MYO16: variants seen among roughly 807,000 people sequenced by gnomAD.
MYO16 encodes the protein myosin XVI.
In MYO16, 94 loss-of-function variants were observed where a neutral mutation model predicts 205.3. That is an observed-to-expected ratio of 0.46 (90% CI 0.39 to 0.54). The LOEUF (loss-of-function observed/expected upper bound fraction) is 0.54, where lower values mean the gene tolerates loss of function less well. Ranked by LOEUF, MYO16 falls within the 20% of genes least tolerant of loss-of-function variation. The pLI, the probability that MYO16 is intolerant of heterozygous loss-of-function variation, is 0.00. For missense variants in MYO16, 2,315 were observed against 2,387.5 expected (o/e 0.97, Z 0.63); for synonymous variants, 988 against 954.0 (o/e 1.04, Z -0.66).
intron 3 of MYO16, among the ~76,000 whole-genome samples, chr13:108,717,199 T>C (rs1242840426): frequency 1.3e-5 from 2 of 152,218 alleles, no homozygotes; most frequent in East Asian, 3.8e-4. Flanking sequence ...CAATGGTAAC[T>C]GAACCCTCCA....
intron 4 of MYO16, among the ~76,000 whole-genome samples, chr13:108,784,232 G>GTT (rs138425926): frequency 6.7e-6 from 1 of 149,124 alleles, no homozygotes; most frequent in African/African-American, 2.5e-5. Context: ...TGAAGTCAGG[G>GTT]TTTTTTTTTT....
At chr13:109,196,842 A>C (rs540596437) in intron 34 of MYO16, among the ~76,000 whole-genome samples, 1 of 152,272 alleles carries the variant, frequency 6.6e-6, no homozygotes, top group African/African-American at 2.4e-5. Context: ...CTCTCTTTTG[A>C]ATGTCAACTT....
At chr13:109,193,861 A>G (rs1880033968) in intron 34 of MYO16, among the ~76,000 whole-genome samples, 1 of 152,186 alleles carries the variant, frequency 6.6e-6, no homozygotes, top group African/African-American at 2.4e-5. Context: ...TGGTTTTATA[A>G]TAATTATATA....
chr13:109,195,707 T>C (rs777689489), intron 34 of MYO16, among the ~76,000 whole-genome samples: 4 of 152,300 alleles, frequency 2.6e-5, no homozygotes, highest in Non-Finnish European at 5.9e-5. Flanking sequence ...GAATAGTCAA[T>C]AGAAAAATCA....
upstream of MYO16, among the ~76,000 whole-genome samples, chr13:108,594,536 T>TATTA (rs1303506209): frequency 6.6e-6 from 1 of 152,206 alleles, no homozygotes; most frequent in Non-Finnish European, 1.5e-5. Flanking sequence ...GCCAGGTGAT[T>TATTA]ATTACATGGC....
chr13:108,576,748 T>G, the MYO16 span, among the ~76,000 whole-genome samples: 1 of 152,026 alleles, frequency 6.6e-6, no homozygotes, highest in Admixed American at 6.6e-5. Context: ...TTTGCAGTGT[T>G]TTTCTTTTCT....
chr13:108,739,143 T>A, intron 4 of MYO16, among the ~76,000 whole-genome samples: 1 of 152,146 alleles, frequency 6.6e-6, no homozygotes, highest in Non-Finnish European at 1.5e-5. Context: ...ACATTTAAGG[T>A]TAATATTGTT....
intron 1 of MYO16, among the ~76,000 whole-genome samples, chr13:108,613,175 T>C (rs1879237271): frequency 6.6e-6 from 1 of 152,174 alleles, no homozygotes; most frequent in Non-Finnish European, 1.5e-5. Context: ...GATTAAAATA[T>C]AAAAAAGAAT....
chr13:108,887,095 A>G (rs1879937299), intron 13 of MYO16, among the ~76,000 whole-genome samples: 1 of 152,138 alleles, frequency 6.6e-6, no homozygotes, highest in African/African-American at 2.4e-5. Flanking sequence ...TACAAAGGGT[A>G]ATTTAAGATT....
intron 9 of MYO16, among the ~76,000 whole-genome samples, chr13:108,834,330 A>C (rs1876781645): frequency 6.6e-6 from 1 of 152,162 alleles, no homozygotes; most frequent in Non-Finnish European, 1.5e-5. Flanking sequence ...TATGTGGGCT[A>C]TGTTCTTCCC....
the MYO16 span, among the ~76,000 whole-genome samples, chr13:108,551,263 C>T: frequency 9.9e-5 from 15 of 152,162 alleles, no homozygotes; most frequent in South Asian, 2.1e-4. Flanking sequence ...GTCTTTCTCC[C>T]GAGTTTCAGA....
intron 4 of MYO16, among the ~76,000 whole-genome samples, chr13:108,738,349 G>T (rs926123714): frequency 2.0e-4 from 31 of 152,106 alleles, no homozygotes; most frequent in South Asian, 8.3e-4. Flanking sequence ...TGTTCTCATT[G>T]GTTTCAAAGA....
intron 34 of MYO16, among the ~76,000 whole-genome samples, chr13:109,192,624 G>A (rs79346498): frequency 0.067 from 10,174 of 152,056 alleles, 910 homozygotes; most frequent in East Asian, 0.28. Flanking sequence ...CCATTGTGAG[G>A]GGCACCACTT....
At chr13:108,527,212 C>T in the MYO16 span, among the ~76,000 whole-genome samples, 3 of 152,214 alleles carry the variant, frequency 2.0e-5, no homozygotes, top group South Asian at 2.1e-4. Flanking sequence ...GGAACTTATA[C>T]ATTATTAAAA....
rs369816776 is a variant in MYO16, at chr13:108,774,006, G to A, written c.508-11629G>A. ...CTTGGGAGTCTGTGGCAGGAGAATCGCTTTCACCTGGGAGGAGGAGGTTGC... is the reference window on the plus strand; with the variant it reads ...CTTGGGAGTCTGTGGCAGGAGAATCACTTTCACCTGGGAGGAGGAGGTTGC... On this transcript the variant is annotated intron_variant, in intron 4 of 34. Coordinates refer to ENST00000457511, the MANE Select transcript of MYO16 (RefSeq NM_001198950.3). 1.2e-4 allele frequency among the ~76,000 whole-genome samples: 18 copies of A among 152,110 alleles called. No individual in the cohort carries two copies. The East Asian group carries it at 1.9e-3, about 16-fold the overall frequency.
chr13:108,593,053 C>G (rs1199423091), upstream of MYO16, among the ~76,000 whole-genome samples: 1 of 152,072 alleles, frequency 6.6e-6, no homozygotes, highest in Non-Finnish European at 1.5e-5. Flanking sequence ...CCTCGCTGGC[C>G]TGGGGTCACC....
chr13:108,618,651 C>G (rs1879433170), intron 1 of MYO16, among the ~76,000 whole-genome samples: 1 of 152,104 alleles, frequency 6.6e-6, no homozygotes, highest in South Asian at 2.1e-4. Context: ...AGTGACTGCC[C>G]CTTATTTGTA....
At chr13:108,699,269 T>A (rs764166091) in intron 2 of MYO16, among the ~76,000 whole-genome samples, 7 of 151,930 alleles carry the variant, frequency 4.6e-5, no homozygotes, top group Non-Finnish European at 1.0e-4. Context: ...CCATTACAAA[T>A]AACATTTTAC....
intron 27 of MYO16, among the ~76,000 whole-genome samples, chr13:109,087,218 TTC>T (rs542847027): frequency 6.6e-6 from 1 of 152,238 alleles, no homozygotes; most frequent in African/African-American, 2.4e-5. Flanking sequence ...CATTCTTAAC[TTC>T]TCAGTGATGT....
Sources: allele counts gnomAD v4.1 joint callset (sites outside exome capture counted in the v4.1 genomes callset), GRCh38; gene constraint gnomAD v4.1.1; transcripts MANE v1.5; gene names NCBI Gene and HGNC (gene_info 2026-07-23, HGNC 2026-07-21).